COL9A1: variants seen among roughly 807,000 people sequenced by gnomAD.
The protein encoded by COL9A1 is collagen type IX alpha 1 chain.
A neutral mutation model predicts 142.6 loss-of-function variants in COL9A1; 104 were observed. That is an observed-to-expected ratio of 0.73 (90% confidence interval 0.62 to 0.86). COL9A1 has a LOEUF of 0.86. COL9A1 is among the 40% of genes least tolerant of loss of function. The probability of loss-of-function intolerance (pLI) is 0.00; values close to 1 mark genes in which losing one functional copy is unlikely to be tolerated. For synonymous variants in COL9A1, 466 were observed against 396.0 expected (o/e 1.18, Z -2.10); for missense variants, 1,210 against 1,176.6 (o/e 1.03, Z -0.42).
chr6:70,254,592 A>G (rs1771152000), intron 24 of COL9A1, 63 bp from the exon 25 acceptor site: 9 of 1,473,644 alleles, frequency 6.1e-6, no homozygotes, highest in Non-Finnish European at 8.6e-6. Flanking sequence ...CTTTTAAGAA[A>G]CGGAGGAGCA....
At chr6:70,285,699 T>C (rs545647778) in intron 5 of COL9A1, among the ~76,000 whole-genome samples, 2 of 152,170 alleles carry the variant, frequency 1.3e-5, no homozygotes, top group South Asian at 2.1e-4. Context: ...ACAAGAAAAA[T>C]ACAAGTAAAT....
chr6:70,225,865 T>G, intron 37 of COL9A1, 67 bp downstream of exon 37: 1 of 1,119,754 alleles, frequency 8.9e-7, no homozygotes, highest in Non-Finnish European at 1.4e-6. Flanking sequence ...AAAATTTTAT[T>G]CAATTCAGGC....
In COL9A1 at chr6:70,256,829, A is replaced by T. The variant is rs1180752344; in HGVS notation, c.1450-8T>A. 6.2e-7 allele frequency: 1 copy of T among 1,613,654 alleles called. No individual in the cohort carries two copies. The highest frequency in any genetic ancestry group is 8.5e-7 in the Non-Finnish European group (1 of 1,179,900). On this transcript the variant is annotated splice_polypyrimidine_tract_variant and splice_region_variant and intron_variant, in intron 20 of 37. Transcript: ENST00000357250. ...ATCTAAGCCCCGAGCACCCTGCAAA[A>T]AAACAAGACAATGGAAAAAAACTGA...
Position 70,302,972 on chromosome 6 carries a change from G to T in COL9A1, c.-48C>A, listed in dbSNP as rs1189007244. ...TTGCCAACAGTCCCTATGAAGAAGG[G>T]GTTGGAAGGGAGTCACTGTCCCCTC... On this transcript the variant is annotated 5_prime_UTR_variant, in exon 1 of 38. Coordinates refer to ENST00000357250, the MANE Select transcript of COL9A1 (RefSeq NM_001851.6). 3 of 1,597,608 alleles carry T rather than the reference G, an allele frequency of 1.9e-6. No individual in the cohort carries two copies. The highest frequency in any genetic ancestry group is 1.3e-5 in the African/African-American group (1 of 74,634).
rs1277162454 is a variant in COL9A1 at position 70,226,138 on chromosome 6, G to A, written c.2504-129C>T. ...TGAAATTGCCATAAACTAGATTGTA[G>A]TGAGTATGTAGCAAGGCAAAAATCA... On this transcript the variant is annotated intron_variant, in intron 36 of 37. Transcript: ENST00000357250. The A allele has an allele frequency of 1.2e-5, 9 of 777,294 alleles. No individual in the cohort carries two copies. In the Admixed American group the frequency reaches 1.7e-4, roughly 15 times the overall value. 48.1% of individuals were successfully genotyped at this position (777,294 alleles called of 1,614,324 possible). A position where few individuals can be genotyped will look rare whatever the true frequency, so the allele number is the denominator to read the frequency against.
At chr6:70,291,445 A>G (rs1330163267) in intron 5 of COL9A1, among the ~76,000 whole-genome samples, 5 of 152,036 alleles carry the variant, frequency 3.3e-5, no homozygotes, top group African/African-American at 1.2e-4. Flanking sequence ...ATTTTTTTCT[A>G]TGTGCTTCTT....
At chr6:70,253,561 T>C (rs954782633) in intron 25 of COL9A1, 132 bp from the exon 26 acceptor site, 1 of 698,160 alleles carries the variant, frequency 1.4e-6, no homozygotes, top group East Asian at 2.5e-5. Context: ...AGGAAGATGC[T>C]TCCTAGTTCC....
chr6:70,280,734 C>A lies in COL9A1; in HGVS notation c.975+78G>T, dbSNP rs567792871. ...CTCTCTCTCTTTCTCTCTCTCCCTC[C>A]CCCCCCACAAAACACACACTTACTC... is the stretch of plus-strand genomic sequence containing the variant. On this transcript the variant is annotated intron_variant, in intron 10 of 37. Transcript: ENST00000357250. 223 of 1,476,650 alleles carry A rather than the reference C, an allele frequency of 1.5e-4. 1 individual carries two copies. In the African/African-American group the frequency reaches 2.2e-3, roughly 14 times the overall value. The allele number at this position is 1,476,650 out of a possible 1,614,324, so 91.5% of individuals were successfully genotyped here. A position where few individuals can be genotyped will look rare whatever the true frequency, so the allele number is the denominator to read the frequency against.
At chr6:70,222,275 A>C (rs909244716) in intron 37 of COL9A1, among the ~76,000 whole-genome samples, 3 of 152,212 alleles carry the variant, frequency 2.0e-5, no homozygotes, top group African/African-American at 7.2e-5. Context: ...ACATGTATTA[A>C]CATGTGCATA....
chr6:70,223,865 A>T (rs1271743150), intron 37 of COL9A1, among the ~76,000 whole-genome samples: 3 of 152,194 alleles, frequency 2.0e-5, no homozygotes, highest in Non-Finnish European at 4.4e-5. Flanking sequence ...GAGACATAGA[A>T]ACCAGGACAA....
chr6:70,246,632 T>C (rs893755973), intron 28 of COL9A1, among the ~76,000 whole-genome samples: 1 of 152,230 alleles, frequency 6.6e-6, no homozygotes, highest in Non-Finnish European at 1.5e-5. Context: ...TGTATTTGTT[T>C]GTCTTTACCA....
chr6:70,241,193 C>T (rs907000883), intron 31 of COL9A1, among the ~76,000 whole-genome samples: 4 of 152,200 alleles, frequency 2.6e-5, no homozygotes, highest in African/African-American at 9.6e-5. Context: ...AAAGGAAAGA[C>T]AGTGTGCAGT....
At chr6:70,223,073 T>C (rs1037958440) in intron 37 of COL9A1, among the ~76,000 whole-genome samples, 4 of 151,948 alleles carry the variant, frequency 2.6e-5, no homozygotes, top group Non-Finnish European at 4.4e-5. Context: ...TGATTTGGAG[T>C]TGAAGTAGAC....
chr6:70,294,035 C>G, intron 5 of COL9A1, 132 bp downstream of exon 5: 1 of 1,247,662 alleles, frequency 8.0e-7, no homozygotes, highest in East Asian at 2.3e-5. Context: ...AAGCTATCTA[C>G]TTAACTTCCT....
chr6:70,298,877 G>A (rs1773948348), intron 4 of COL9A1, among the ~76,000 whole-genome samples: 1 of 152,150 alleles, frequency 6.6e-6, no homozygotes, highest in Non-Finnish European at 1.5e-5. Context: ...GATGTGAATG[G>A]TTTTCCAGAG....
chr6:70,240,555 G>A (rs1770182112), intron 32 of COL9A1, 134 bp downstream of exon 32: 1 of 448,496 alleles, frequency 2.2e-6, no homozygotes, highest in East Asian at 3.9e-5. Flanking sequence ...AGGCAGTGAG[G>A]ATAACAGTGT....
At chr6:70,292,666 G>A (rs1773700955) in intron 5 of COL9A1, among the ~76,000 whole-genome samples, 1 of 152,098 alleles carries the variant, frequency 6.6e-6, no homozygotes, top group Non-Finnish European at 1.5e-5. Flanking sequence ...TTAATCCAAT[G>A]AATAAATAAA....
chr6:70,254,974 G>A lies in COL9A1; in HGVS notation c.1654C>T (p.Pro552Ser). 6.2e-7 allele frequency: 1 copy of A among 1,614,000 alleles called. No homozygotes were observed. Among genetic ancestry groups the A allele is most frequent in the Non-Finnish European group, 8.5e-7 (1 of 1,179,962 alleles). The change falls in exon 24 of 38, where the codon CCT (proline) becomes TCT (serine). Residue 552 changes from proline to serine, a missense_variant. Physicochemically the swap from Pro to Ser is moderately conservative, Grantham distance 74. Transcript: ENST00000357250. ...ATTACACAGCCTACCTTTGTTCCAG[G>A]CATTCCAGGGATCCCATCACGGCCA... ...VDGRDGIPGM[P>S]GTKGEPGKPG...
chr6:70,287,892 C>A (rs1773516998), intron 5 of COL9A1, among the ~76,000 whole-genome samples: 1 of 152,190 alleles, frequency 6.6e-6, no homozygotes, highest in Admixed American at 6.5e-5. Context: ...TGTTCCTCAT[C>A]TCAGCAATCT....
Sources: allele counts gnomAD v4.1 joint callset (sites outside exome capture counted in the v4.1 genomes callset), GRCh38; gene constraint gnomAD v4.1.1; transcripts MANE v1.5; gene names NCBI Gene and HGNC (gene_info 2026-07-23, HGNC 2026-07-21).